The following TMT1B variants were observed in gnomAD, a reference collection of about 807,000 sequenced individuals.
The protein encoded by TMT1B is thiol methyltransferase 1B.
chr12:55,681,788 GTGC>G, the TMT1B span: 1 of 1,552,208 alleles, frequency 6.4e-7, no homozygotes, highest in Non-Finnish European at 8.7e-7. Flanking sequence ...GCAGCTGCTG[GTGC>G]TGCTTCTTAC....
chr12:55,682,310 CA>C, the TMT1B span: 1 of 1,548,252 alleles, frequency 6.5e-7, no homozygotes, highest in Non-Finnish European at 8.7e-7. Flanking sequence ...TCAGCCGCCC[CA>C]GGGTTCGGCC....
the TMT1B span, chr12:55,683,731 G>A: frequency 7.3e-7 from 1 of 1,370,362 alleles, no homozygotes; most frequent in Non-Finnish European, 1.0e-6. Context: ...ATTTCACCAA[G>A]AAGTTTGACT....
the TMT1B span, chr12:55,683,961 A>G: frequency 2.5e-6 from 4 of 1,614,096 alleles, no homozygotes; most frequent in Non-Finnish European, 3.4e-6. Flanking sequence ...GAGAACGCCC[A>G]GTTCTCCGAA....
the TMT1B span, chr12:55,681,869 C>A: frequency 6.2e-7 from 1 of 1,602,596 alleles, no homozygotes; most frequent in Non-Finnish European, 8.5e-7. Context: ...CTTCCCCTAC[C>A]TGATGGCCGT....
At chr12:55,682,174 G>C in the TMT1B span, 1 of 1,614,026 alleles carries the variant, frequency 6.2e-7, no homozygotes, top group Non-Finnish European at 8.5e-7. Context: ...CCATGGATGT[G>C]GTGGTCTGCA....
chr12:55,681,998 G>A, the TMT1B span: 5 of 1,614,232 alleles, frequency 3.1e-6, no homozygotes, highest in Admixed American at 6.7e-5. Context: ...CTGCGGAACC[G>A]GAGCCAACTT....
chr12:55,682,598 C>A, the TMT1B span, among the ~76,000 whole-genome samples: 1 of 112,916 alleles, frequency 8.9e-6, no homozygotes, highest in Non-Finnish European at 1.7e-5. Context: ...TAGTGAGATG[C>A]CGTCTCTACA....
the TMT1B span, among the ~76,000 whole-genome samples, chr12:55,682,969 C>A: frequency 2.0e-5 from 3 of 152,086 alleles, no homozygotes; most frequent in African/African-American, 7.2e-5. Context: ...GCATGAGCAA[C>A]TGAGGGGAGA....
chr12:55,684,104 C>T, the TMT1B span: 1 of 1,519,578 alleles, frequency 6.6e-7, no homozygotes, highest in African/African-American at 1.4e-5. Context: ...CCAATTAGAA[C>T]AAGCCACCCA....
chr12:55,683,997 C>T, the TMT1B span: 7 of 1,613,824 alleles, frequency 4.3e-6, no homozygotes, highest in South Asian at 3.3e-5. Context: ...CAGCCCCCTC[C>T]CTTGAAGTGG....
At chr12:55,684,085 C>T in the TMT1B span, 2 of 1,590,530 alleles carry the variant, frequency 1.3e-6, no homozygotes, top group Non-Finnish European at 1.7e-6. Flanking sequence ...TTTGCTCCTT[C>T]CCCAGCCTCC....
the TMT1B span, chr12:55,681,899 C>G: frequency 6.2e-7 from 1 of 1,612,920 alleles, no homozygotes; most frequent in Non-Finnish European, 8.5e-7. Context: ...CAAGAGCAAC[C>G]GCAAGATGGA....
the TMT1B span, among the ~76,000 whole-genome samples, chr12:55,682,647 G>T: frequency 6.6e-6 from 1 of 151,556 alleles, no homozygotes; most frequent in African/African-American, 2.4e-5. Context: ...CTAGCCAGGC[G>T]TGGTGGCACA....
chr12:55,683,785 G>A, the TMT1B span: 1 of 1,608,178 alleles, frequency 6.2e-7, no homozygotes, highest in East Asian at 2.2e-5. Context: ...ATGGAGCCAA[G>A]TGACACTAAC....
the TMT1B span, among the ~76,000 whole-genome samples, chr12:55,683,195 C>T: frequency 1.3e-5 from 2 of 152,106 alleles, no homozygotes; most frequent in African/African-American, 4.8e-5. Flanking sequence ...GTGCGTGTAT[C>T]TCAGAATACA....
the TMT1B span, among the ~76,000 whole-genome samples, chr12:55,682,858 T>A: frequency 2.0e-5 from 3 of 147,922 alleles, no homozygotes; most frequent in Non-Finnish European, 4.5e-5. Context: ...GTGGACGGGG[T>A]GGGGAAAATA....
the TMT1B span, chr12:55,682,258 C>A: frequency 6.2e-7 from 1 of 1,604,616 alleles, no homozygotes. Flanking sequence ...GACCGGTAAG[C>A]AGGGTGGGAA....
At chr12:55,684,020 C>A in the TMT1B span, 1 of 1,613,570 alleles carries the variant, frequency 6.2e-7, no homozygotes, top group Non-Finnish European at 8.5e-7. Context: ...ACCTGTTGGG[C>A]CCCACATCAT....
At chr12:55,682,952 G>GT in the TMT1B span, among the ~76,000 whole-genome samples, 1 of 151,768 alleles carries the variant, frequency 6.6e-6, no homozygotes, top group Admixed American at 6.6e-5. Context: ...TAGTTTCCAG[G>GT]TTTCTAGCAT....
Sources: allele counts gnomAD v4.1 joint callset (sites outside exome capture counted in the v4.1 genomes callset), GRCh38; gene constraint gnomAD v4.1.1; transcripts MANE v1.5; gene names NCBI Gene and HGNC (gene_info 2026-07-23, HGNC 2026-07-21).